ZPBP: variants seen among roughly 807,000 people sequenced by gnomAD.
ZPBP encodes the protein zona pellucida binding protein, also known as zona pellucida-binding protein 1.
A neutral mutation model predicts 44.8 loss-of-function variants in ZPBP; 26 were observed. The ratio of observed to expected loss-of-function variants is 0.58; its 90% CI spans 0.43 to 0.81. The LOEUF (loss-of-function observed/expected upper bound fraction) is 0.81, where lower values mean the gene tolerates loss of function less well. Ranked by LOEUF, ZPBP falls within the 30% of genes least tolerant of loss-of-function variation. The probability of loss-of-function intolerance (pLI) is 0.00; values close to 1 mark genes in which losing one functional copy is unlikely to be tolerated. For missense variants in ZPBP, 409 were observed against 434.0 expected (o/e 0.94, Z 0.51); for synonymous variants, 174 against 153.2 (o/e 1.14, Z -1.00).
At chr7:49,901,477 A>C (rs1792720188) in intron 1 of ZPBP, among the ~76,000 whole-genome samples, 1 of 151,892 alleles carries the variant, frequency 6.6e-6, no homozygotes, top group African/African-American at 2.4e-5. Flanking sequence ...CCAAAAAGAA[A>C]TACTTAGGTA....
chr7:49,847,819 T>G (rs187341473), downstream of ZPBP, among the ~76,000 whole-genome samples: 10 of 152,250 alleles, frequency 6.6e-5, no homozygotes, highest in East Asian at 1.9e-3. Flanking sequence ...AGGTGGACAG[T>G]GGCTCTCAGT....
chr7:49,927,092 C>T (rs1794265327), intron 1 of ZPBP, among the ~76,000 whole-genome samples: 2 of 152,184 alleles, frequency 1.3e-5, no homozygotes, highest in African/African-American at 4.8e-5. Context: ...TATTACCAAC[C>T]CCGCCTATAT....
intron 7 of ZPBP, among the ~76,000 whole-genome samples, chr7:49,979,260 A>G (rs1796669682): frequency 6.6e-6 from 1 of 151,510 alleles, no homozygotes; most frequent in Non-Finnish European, 1.5e-5. Context: ...TCCTATTGCA[A>G]ACTCAATTTT....
chr7:49,919,159 T>A (rs1793889053), intron 1 of ZPBP: 1 of 152,134 alleles, frequency 6.6e-6, no homozygotes, highest in African/African-American at 2.4e-5. Flanking sequence ...CTCTACCTGC[T>A]TCCAAATATT....
chr7:49,857,835 T>C (rs1280046720), intron 2 of ZPBP, among the ~76,000 whole-genome samples: 2 of 152,190 alleles, frequency 1.3e-5, no homozygotes, highest in African/African-American at 4.8e-5. Flanking sequence ...CTTCAATTTC[T>C]TTACCTTCTT....
intron 6 of ZPBP, among the ~76,000 whole-genome samples, chr7:49,995,696 AAG>A (rs1797796595): frequency 6.6e-6 from 1 of 152,220 alleles, no homozygotes; most frequent in Non-Finnish European, 1.5e-5. Context: ...TGGCCATAAA[AAG>A]AATGAAATCC....
At chr7:50,038,873 A>G (rs1035289792) in intron 4 of ZPBP, among the ~76,000 whole-genome samples, 1 of 152,222 alleles carries the variant, frequency 6.6e-6, no homozygotes, top group African/African-American at 2.4e-5. Flanking sequence ...AAAAGGCCAT[A>G]CCACGTAGCC....
chr7:49,929,235 A>G (rs896197757), intron 1 of ZPBP, among the ~76,000 whole-genome samples: 2 of 152,220 alleles, frequency 1.3e-5, no homozygotes, highest in African/African-American at 2.4e-5. Context: ...ATAGTCATGG[A>G]AGGATATGAA....
At chr7:49,869,660 A>C (rs1313038282) in intron 2 of ZPBP, among the ~76,000 whole-genome samples, 7 of 152,190 alleles carry the variant, frequency 4.6e-5, no homozygotes, top group Admixed American at 1.3e-4. Flanking sequence ...AAAATTAAGA[A>C]ACCTGCCAAT....
intron 7 of ZPBP, among the ~76,000 whole-genome samples, chr7:49,961,627 GA>G (rs1795863629): frequency 6.6e-6 from 1 of 152,042 alleles, no homozygotes; most frequent in South Asian, 2.1e-4. Flanking sequence ...ACAAGTTGTA[GA>G]AGTTACTTAA....
At chr7:49,917,615 C>G (rs1469908758) in intron 1 of ZPBP, 1 of 152,118 alleles carries the variant, frequency 6.6e-6, no homozygotes, top group Non-Finnish European at 1.5e-5. Flanking sequence ...GATGACTAAA[C>G]ACAATTGCAA....
intron 6 of ZPBP, among the ~76,000 whole-genome samples, chr7:49,990,539 A>C (rs1163711629): frequency 6.6e-6 from 1 of 152,100 alleles, no homozygotes; most frequent in Non-Finnish European, 1.5e-5. Flanking sequence ...ACCCCTTTGG[A>C]ATGCACCCTG....
intron 2 of ZPBP, among the ~76,000 whole-genome samples, chr7:49,886,247 G>A (rs940061122): frequency 1.3e-5 from 2 of 152,140 alleles, no homozygotes; most frequent in African/African-American, 4.8e-5. Context: ...TTATCAGTGT[G>A]GCTTTGAATC....
chr7:49,931,707 G>A (rs1253830705), intron 1 of ZPBP, among the ~76,000 whole-genome samples: 2 of 152,222 alleles, frequency 1.3e-5, no homozygotes, highest in Non-Finnish European at 2.9e-5. Context: ...ATTTGCATAA[G>A]TACTGAGGAG....
the ZPBP span, among the ~76,000 whole-genome samples, chr7:49,843,262 C>A: frequency 1.3e-5 from 2 of 152,152 alleles, no homozygotes; most frequent in African/African-American, 4.8e-5. Flanking sequence ...AATTCAAATT[C>A]TGGTTTAAAC....
downstream of ZPBP, among the ~76,000 whole-genome samples, chr7:49,847,569 T>C (rs1789991653): frequency 6.6e-6 from 1 of 151,908 alleles, no homozygotes; most frequent in Non-Finnish European, 1.5e-5. Context: ...TCAAAGAGAG[T>C]TGGTTATACT....
At chr7:49,856,775 C>G (rs1790433533) in intron 2 of ZPBP, among the ~76,000 whole-genome samples, 1 of 151,818 alleles carries the variant, frequency 6.6e-6, no homozygotes, top group East Asian at 1.9e-4. Flanking sequence ...ATTGGGAGGC[C>G]GAGGTGGGCG....
At chr7:50,081,638 T>G (rs1345748644) in intron 3 of ZPBP, 136 bp downstream of exon 3, 2 of 1,093,446 alleles carry the variant, frequency 1.8e-6, no homozygotes, top group Non-Finnish European at 2.6e-6. Context: ...CATTGTTAGC[T>G]CTAACTCCAA....
At chr7:49,938,771 C>T (rs1794724274) in intron 7 of ZPBP, among the ~76,000 whole-genome samples, 1 of 152,104 alleles carries the variant, frequency 6.6e-6, no homozygotes, top group African/African-American at 2.4e-5. Flanking sequence ...AATAGCACAT[C>T]TATGGAATGT....
Sources: gnomAD v4.1 joint callset for allele counts (sites outside exome capture counted in the v4.1 genomes callset) on GRCh38, gnomAD v4.1.1 for gene constraint, MANE v1.5 for transcripts, NCBI Gene and HGNC (gene_info 2026-07-23, HGNC 2026-07-21) for gene names.